DSCAML1: variants seen among roughly 807,000 people sequenced by gnomAD.
The protein encoded by DSCAML1 is DS cell adhesion molecule like 1.
In DSCAML1, 38 loss-of-function variants were observed where a neutral mutation model predicts 200.5. The ratio of observed to expected loss-of-function variants is 0.19; its 90% confidence interval spans 0.15 to 0.25. The LOEUF (loss-of-function observed/expected upper bound fraction) is 0.25. DSCAML1 is among the 10% of genes least tolerant of loss of function. The pLI, the probability that DSCAML1 is intolerant of heterozygous loss-of-function variation, is 1.00. For missense variants in DSCAML1, 2,223 were observed against 2,858.8 expected (o/e 0.78, Z 5.07); for synonymous variants, 1,215 against 1,165.0 (o/e 1.04, Z -0.87).
chr11:117,573,067 C>T (rs2050873400), intron 3 of DSCAML1, among the ~76,000 whole-genome samples: 1 of 152,196 alleles, frequency 6.6e-6, no homozygotes, highest in Non-Finnish European at 1.5e-5. Flanking sequence ...TTACCTTCCC[C>T]TTCTCCAAAT....
In DSCAML1 at chr11:117,766,386, A is replaced by T. The variant is rs540162019; in HGVS notation, c.511+10405T>A. ...GAGATTGAGAACTAAAGCAAGATTG[A>T]TTTTGATGTGAACACCAGCAAAGCA... On this transcript the variant is annotated intron_variant, in intron 3 of 32. Coordinates refer to ENST00000651296, the MANE Select transcript of DSCAML1 (RefSeq NM_020693.4). 2.6e-5 allele frequency among the ~76,000 whole-genome samples: 4 copies of T among 152,372 alleles called. No individual in the cohort carries two copies. In the South Asian group the frequency reaches 8.3e-4, roughly 32 times the overall value.
intron 19 of DSCAML1, among the ~76,000 whole-genome samples, chr11:117,453,819 C>G (rs1220590923): frequency 6.7e-6 from 1 of 150,250 alleles, no homozygotes; most frequent in Non-Finnish European, 1.5e-5. Flanking sequence ...TCTTGGCTGA[C>G]TGCAACCTCC....
intron 4 of DSCAML1, among the ~76,000 whole-genome samples, chr11:117,531,644 G>C (rs1372195177): frequency 1.3e-5 from 2 of 152,230 alleles, no homozygotes; most frequent in African/African-American, 2.4e-5. Flanking sequence ...AGCACTTTGG[G>C]AGGCTGAGGC....
intron 3 of DSCAML1, among the ~76,000 whole-genome samples, chr11:117,574,854 G>A (rs2050905492): frequency 6.6e-6 from 1 of 152,176 alleles, no homozygotes; most frequent in Admixed American, 6.5e-5. Context: ...GGGGAGGCCT[G>A]GCCACAAGCT....
intron 3 of DSCAML1, among the ~76,000 whole-genome samples, chr11:117,645,082 G>C (rs1002864688): frequency 3.5e-4 from 54 of 152,244 alleles, no homozygotes; most frequent in Admixed American, 3.5e-3. Context: ...CACGGCTTGA[G>C]AGAGCCCCCA....
Position 117,432,988 on chromosome 11 carries a change from C to G in DSCAML1, c.5026+150G>C, listed in dbSNP as rs78594007. The G allele has an allele frequency of 7.9e-3, 5,377 of 680,894 alleles. 40 individuals are homozygous for G. The highest frequency in any genetic ancestry group is 0.013 in the South Asian group (731 of 57,416). The allele number at this position is 680,894 out of a possible 1,614,324, so 42.2% of individuals were successfully genotyped here. A position where few individuals can be genotyped will look rare whatever the true frequency, so the allele number is the denominator to read the frequency against. On this transcript the variant is annotated intron_variant, in intron 29 of 32. Transcript: ENST00000651296. The stretch of plus-strand genomic sequence containing the variant: ...GAGGAAAATTAGCCCTTGAGAGAAG[C>G]CACAGTGAGTTCTAAGGTTGTTGAG...
At chr11:117,593,473 T>C (rs1294325049) in intron 3 of DSCAML1, among the ~76,000 whole-genome samples, 6 of 152,174 alleles carry the variant, frequency 3.9e-5, no homozygotes, top group Admixed American at 3.9e-4. Context: ...CCATGTCACC[T>C]GGAAAGAAGA....
rs143345679 is a variant in DSCAML1 at position 117,481,208 on chromosome 11, C to G, written c.2622G>C (p.Gly874=). 1.9e-5 allele frequency: 31 copies of G among 1,613,766 alleles called. No individual in the cohort carries two copies. In the African/African-American group the frequency reaches 3.9e-4, roughly 20 times the overall value. The stretch of plus-strand genomic sequence containing the variant: ...TGAGTTGGATCAAGCCCCGGTCCTC[C>G]CCATACGAGTTGATGGCATGGCAGC... ...FFSCHAINSY[G]EDRGLIQLTV... is the part of the protein sequence containing the mutation. The change falls in exon 13 of 33, where the codon GGG becomes GGC. Residue 874 remains glycine (G), a synonymous_variant. Coordinates refer to ENST00000651296, the MANE Select transcript of DSCAML1 (RefSeq NM_020693.4).
intron 11 of DSCAML1, among the ~76,000 whole-genome samples, chr11:117,483,223 C>T (rs1348323977): frequency 6.6e-6 from 1 of 152,174 alleles, no homozygotes; most frequent in Non-Finnish European, 1.5e-5. Context: ...ACATGGGGCA[C>T]TTATGCCATC....
At chr11:117,718,884 A>G (rs78049000) in intron 3 of DSCAML1, among the ~76,000 whole-genome samples, 1 of 152,220 alleles carries the variant, frequency 6.6e-6, no homozygotes, top group Non-Finnish European at 1.5e-5. Context: ...AGGACCAGGC[A>G]GCAAATGTTT....
At chr11:117,450,296 A>G (rs1266044426) in intron 20 of DSCAML1, among the ~76,000 whole-genome samples, 1 of 152,234 alleles carries the variant, frequency 6.6e-6, no homozygotes, top group Non-Finnish European at 1.5e-5. Flanking sequence ...CTGGTTGGGC[A>G]TGGCCCACCT....
At chr11:117,751,520 G>T (rs2054605060) in intron 3 of DSCAML1, among the ~76,000 whole-genome samples, 1 of 151,766 alleles carries the variant, frequency 6.6e-6, no homozygotes, top group African/African-American at 2.4e-5. Flanking sequence ...TAACATGCCT[G>T]GGCACCATCT....
chr11:117,678,918 G>C (rs1358179983), intron 3 of DSCAML1, among the ~76,000 whole-genome samples: 1 of 152,282 alleles, frequency 6.6e-6, no homozygotes, highest in Non-Finnish European at 1.5e-5. Flanking sequence ...ATACTACAGA[G>C]TGAGAGAGCA....
intron 8 of DSCAML1, among the ~76,000 whole-genome samples, chr11:117,515,810 G>A (rs575437517): frequency 2.0e-5 from 3 of 151,842 alleles, no homozygotes; most frequent in African/African-American, 4.8e-5. Flanking sequence ...TAGTAGAGAC[G>A]GGGTTTCATC....
At chr11:117,623,216 C>CTTTTTTTT (rs56343852) in intron 3 of DSCAML1, among the ~76,000 whole-genome samples, 35 of 121,112 alleles carry the variant, frequency 2.9e-4, no homozygotes, top group East Asian at 4.7e-4. Context: ...CTTTTCTTTT[C>CTTTTTTTT]TTTTTTTTTT....
At chr11:117,689,658 T>C (rs570335712) in intron 3 of DSCAML1, among the ~76,000 whole-genome samples, 3 of 152,274 alleles carry the variant, frequency 2.0e-5, no homozygotes, top group Admixed American at 2.0e-4. Flanking sequence ...ACCCACATCA[T>C]GGGCTACTCA....
chr11:117,652,451 G>A (rs1023481074), intron 3 of DSCAML1, among the ~76,000 whole-genome samples: 13 of 152,162 alleles, frequency 8.5e-5, no homozygotes, highest in South Asian at 2.1e-4. Context: ...GTCACTTACC[G>A]TTCCCAGTCA....
chr11:117,447,783 A>G (rs1369743513), intron 20 of DSCAML1, among the ~76,000 whole-genome samples: 2 of 152,214 alleles, frequency 1.3e-5, no homozygotes, highest in Non-Finnish European at 1.5e-5. Context: ...CTATAATTCC[A>G]GGCTCATGCC....
intron 24 of DSCAML1, 116 bp downstream of exon 24, chr11:117,438,769 C>A (rs1477600291): frequency 5.3e-5 from 51 of 965,698 alleles, no homozygotes; most frequent in Non-Finnish European, 6.9e-5. Flanking sequence ...GGTCACTTGG[C>A]CCCCAGATCG....
Sources: gnomAD v4.1 joint callset for allele counts (sites outside exome capture counted in the v4.1 genomes callset) on GRCh38, gnomAD v4.1.1 for gene constraint, MANE v1.5 for transcripts, NCBI Gene and HGNC (gene_info 2026-07-23, HGNC 2026-07-21) for gene names.